PDE3A: variants seen among roughly 807,000 people sequenced by gnomAD.
PDE3A encodes the protein phosphodiesterase 3A, also known as cGMP-inhibited 3',5'-cyclic phosphodiesterase 3A.
Under a neutral mutation model 98.3 loss-of-function variants are expected in PDE3A, and 43 were observed. The ratio of observed to expected loss-of-function variants is 0.44; its 90% CI spans 0.34 to 0.56. The LOEUF (loss-of-function observed/expected upper bound fraction) is 0.56, where lower values mean the gene tolerates loss of function less well. PDE3A is among the 20% of genes least tolerant of loss of function. The pLI is 0.01. For synonymous variants in PDE3A, 663 were observed against 567.9 expected (o/e 1.17, Z -2.38); for missense variants, 1,427 against 1,440.7 (o/e 0.99, Z 0.15).
chr12:20,554,721 G>C (rs1379663641), intron 1 of PDE3A, among the ~76,000 whole-genome samples: 2 of 151,592 alleles, frequency 1.3e-5, no homozygotes, highest in African/African-American at 4.8e-5. Flanking sequence ...CAAGTAGCTG[G>C]GATTATAGGC....
chr12:20,635,115 A>T (rs1944471124), intron 8 of PDE3A, 59 bp downstream of exon 8: 1 of 1,466,454 alleles, frequency 6.8e-7, no homozygotes, highest in African/African-American at 1.4e-5. Context: ...TGTTACAGAT[A>T]TTGGCTCAGA....
intron 2 of PDE3A, among the ~76,000 whole-genome samples, chr12:20,558,461 C>T (rs1942426037): frequency 6.6e-6 from 1 of 151,932 alleles, no homozygotes. Context: ...TCTTAACCAG[C>T]AAAATAGCTA....
chr12:20,563,849 T>C (rs1237008130), intron 2 of PDE3A, among the ~76,000 whole-genome samples: 3 of 152,196 alleles, frequency 2.0e-5, no homozygotes, highest in Non-Finnish European at 4.4e-5. Context: ...TATAGATATT[T>C]AAAATTTTAT....
Position 20,652,455 on chromosome 12 carries a change from G to A in PDE3A, c.2926-1492G>A, listed in dbSNP as rs531665454. ...GTTGTTTCCTGACTTTTTAATGATT[G>A]CCATTCTAACTGGTGTGAGATGGTA... On this transcript the variant is annotated intron_variant, in intron 14 of 15. Transcript: ENST00000359062. 4.7e-3 allele frequency among the ~76,000 whole-genome samples: 717 copies of A among 152,126 alleles called. 6 individuals carry two copies. Among genetic ancestry groups the A allele is most frequent in the African/African-American group, 0.015 (636 of 41,494 alleles).
intron 10 of PDE3A, among the ~76,000 whole-genome samples, chr12:20,644,832 CCCT>C (rs1182576594): frequency 1.8e-4 from 26 of 147,502 alleles, no homozygotes; most frequent in South Asian, 4.3e-4. Context: ...CTCCTCCTTC[CCCT>C]CCTCCTCCTC....
intron 15 of PDE3A, among the ~76,000 whole-genome samples, chr12:20,675,305 T>C (rs756309562): frequency 6.6e-6 from 1 of 152,212 alleles, no homozygotes; most frequent in Non-Finnish European, 1.5e-5. Flanking sequence ...TTTTAAAAAA[T>C]GTTTTGAGAC....
chr12:20,412,705 C>A (rs1944355782), intron 1 of PDE3A, among the ~76,000 whole-genome samples: 1 of 152,150 alleles, frequency 6.6e-6, no homozygotes, highest in South Asian at 2.1e-4. Context: ...TTCTTTTGAA[C>A]TACTCCGTTT....
intron 1 of PDE3A, among the ~76,000 whole-genome samples, chr12:20,383,722 T>A (rs1360517607): frequency 6.6e-6 from 1 of 151,894 alleles, no homozygotes; most frequent in Non-Finnish European, 1.5e-5. Flanking sequence ...TTACAGACAG[T>A]CCATGGATTT....
At chr12:20,474,856 C>T (rs1020220504) in intron 1 of PDE3A, among the ~76,000 whole-genome samples, 1 of 152,278 alleles carries the variant, frequency 6.6e-6, no homozygotes, top group Middle Eastern at 3.4e-3. Flanking sequence ...TAGTCTCATC[C>T]GCAAATTCCC....
chr12:20,585,012 A>G (rs780941472), intron 2 of PDE3A, among the ~76,000 whole-genome samples: 1 of 152,206 alleles, frequency 6.6e-6, no homozygotes, highest in Non-Finnish European at 1.5e-5. Context: ...TTGCTCATTG[A>G]TAAAAGCTTA....
At chr12:20,440,858 A>C (rs1944859014) in intron 1 of PDE3A, among the ~76,000 whole-genome samples, 2 of 152,142 alleles carry the variant, frequency 1.3e-5, no homozygotes, top group African/African-American at 4.8e-5. Context: ...GGGATTCCTT[A>C]TCAATATGCC....
At chr12:20,447,947 T>G (rs1944985637) in intron 1 of PDE3A, among the ~76,000 whole-genome samples, 1 of 152,108 alleles carries the variant, frequency 6.6e-6, no homozygotes, top group South Asian at 2.1e-4. Context: ...TCAGCTGGTG[T>G]CTGTTGAAGA....
At chr12:20,466,793 TTTTC>T (rs1022790812) in intron 1 of PDE3A, among the ~76,000 whole-genome samples, 2 of 152,312 alleles carry the variant, frequency 1.3e-5, no homozygotes, top group East Asian at 1.9e-4. Context: ...AAGTGTTTTC[TTTTC>T]TTTCTTCTTA....
chr12:20,594,697 C>T (rs1483425887), intron 2 of PDE3A, among the ~76,000 whole-genome samples: 1 of 151,972 alleles, frequency 6.6e-6, no homozygotes, highest in Non-Finnish European at 1.5e-5. Context: ...TAATTTGCCT[C>T]TAGGATTCAG....
chr12:20,616,631 T>G (rs1944014155), intron 4 of PDE3A, among the ~76,000 whole-genome samples: 2 of 152,126 alleles, frequency 1.3e-5, no homozygotes, highest in African/African-American at 4.8e-5. Flanking sequence ...TCTGCCATTG[T>G]GACCTTAGAT....
intron 1 of PDE3A, among the ~76,000 whole-genome samples, chr12:20,538,144 G>T (rs549521081): frequency 6.6e-6 from 1 of 152,144 alleles, no homozygotes; most frequent in South Asian, 2.1e-4. Flanking sequence ...TTATGTATTT[G>T]CTGCCTACCA....
chr12:20,565,195 C>T (rs1439778745), intron 2 of PDE3A, among the ~76,000 whole-genome samples: 5 of 151,962 alleles, frequency 3.3e-5, no homozygotes, highest in African/African-American at 4.8e-5. Context: ...CAAATATACA[C>T]ATTCTGAAAA....
chr12:20,423,279 G>A (rs1944549723), intron 1 of PDE3A, among the ~76,000 whole-genome samples: 1 of 152,134 alleles, frequency 6.6e-6, no homozygotes, highest in Non-Finnish European at 1.5e-5. Context: ...TATTGTGTGT[G>A]TCAGAAAATC....
At chr12:20,659,867 T>C (rs973773267) in intron 15 of PDE3A, among the ~76,000 whole-genome samples, 41 of 152,206 alleles carry the variant, frequency 2.7e-4, no homozygotes, top group Middle Eastern at 3.2e-3. Flanking sequence ...GAACAAAAAC[T>C]AGAGAGAAAA....
Sources: gnomAD v4.1 joint callset for allele counts (sites outside exome capture counted in the v4.1 genomes callset) on GRCh38, gnomAD v4.1.1 for gene constraint, MANE v1.5 for transcripts, NCBI Gene and HGNC (gene_info 2026-07-23, HGNC 2026-07-21) for gene names.